Variants in RTN3 observed in about 807,000 individuals in gnomAD.
RTN3 encodes the protein reticulon 3, also known as reticulon-3.
A neutral mutation model predicts 77.8 loss-of-function variants in RTN3; 49 were observed. The ratio of observed to expected loss-of-function variants is 0.63; its 90% CI spans 0.50 to 0.80. RTN3 has a LOEUF of 0.80. Ranked by LOEUF, RTN3 falls within the 30% of genes least tolerant of loss-of-function variation. The pLI is 0.00. For missense variants in RTN3, 1,236 were observed against 1,211.9 expected (o/e 1.02, Z -0.29); for synonymous variants, 464 against 446.9 (o/e 1.04, Z -0.48).
intron 2 of RTN3, among the ~76,000 whole-genome samples, chr11:63,717,087 C>T (rs944984384): frequency 2.0e-5 from 3 of 151,792 alleles, no homozygotes; most frequent in Non-Finnish European, 4.4e-5. Flanking sequence ...AGCTTGAGGC[C>T]AGGAGGTCAA....
intron 1 of RTN3, among the ~76,000 whole-genome samples, chr11:63,694,642 G>A (rs1941843932): frequency 6.6e-6 from 1 of 151,644 alleles, no homozygotes. Flanking sequence ...TATTTTTCTA[G>A]AGACGAGGTT....
chr11:63,749,439 C>T (rs1219692546), intron 3 of RTN3, among the ~76,000 whole-genome samples: 1 of 152,108 alleles, frequency 6.6e-6, no homozygotes, highest in African/African-American at 2.4e-5. Flanking sequence ...TTTGCCCCTG[C>T]CCCAATTTAT....
chr11:63,698,744 C>T, intron 1 of RTN3: 1 of 171,156 alleles, frequency 5.8e-6, no homozygotes, highest in South Asian at 1.7e-4. Flanking sequence ...AGCACCTGCT[C>T]CCGAGCTCCT....
intron 1 of RTN3, among the ~76,000 whole-genome samples, chr11:63,696,013 AGTT>A (rs1941919794): frequency 6.6e-6 from 1 of 151,944 alleles, no homozygotes; most frequent in African/African-American, 2.4e-5. Context: ...TCTACAACCC[AGTT>A]GTTAATGACT....
Position 63,719,361 on chromosome 11 carries a change from A to T in RTN3, c.859A>T (p.Ile287Phe), listed in dbSNP as rs753924652. Residue 287 changes from isoleucine (I) to phenylalanine (F), a missense_variant, in exon 3 of 9, where the codon ATT (isoleucine) becomes TTT (phenylalanine). This residue lies in a region of RTN3 where 1,056 missense variants were observed against 990.4 expected (regional missense o/e 1.07). Coordinates refer to ENST00000377819, the MANE Select transcript of RTN3 (RefSeq NM_001265589.2). Reference sequence around the variant, plus strand: ...CACTGATAAAGAATCATCCGAAGACATTTCAGAGACTAATGACAAGCTTTT... The same window carrying T: ...CACTGATAAAGAATCATCCGAAGACTTTTCAGAGACTAATGACAAGCTTTT... ...VHTDKESSED[I>F]SETNDKLFPL... is the part of the protein sequence containing the mutation. The T allele has an allele frequency of 6.2e-7, 1 of 1,614,096 alleles. No individual in the cohort carries two copies. Among genetic ancestry groups the T allele is most frequent in the Non-Finnish European group, 8.5e-7 (1 of 1,180,048 alleles).
chr11:63,755,282 T>C (rs1467576616), intron 7 of RTN3, among the ~76,000 whole-genome samples: 1 of 151,958 alleles, frequency 6.6e-6, no homozygotes, highest in African/African-American at 2.4e-5. Flanking sequence ...AAAAGATGAG[T>C]GATTTTTTCA....
chr11:63,751,118 C>T (rs919213820), intron 4 of RTN3, among the ~76,000 whole-genome samples: 3 of 152,328 alleles, frequency 2.0e-5, no homozygotes, highest in Non-Finnish European at 4.4e-5. Flanking sequence ...CCACCCGCCT[C>T]GGCCTCCCAA....
intron 1 of RTN3, among the ~76,000 whole-genome samples, chr11:63,691,250 A>G (rs1941642897): frequency 6.7e-6 from 1 of 149,396 alleles, no homozygotes; most frequent in South Asian, 2.1e-4. Context: ...CCTCCCAAGT[A>G]GCTGGGATTA....
At chr11:63,725,171 A>G (rs2012153122) in intron 3 of RTN3, among the ~76,000 whole-genome samples, 1 of 152,156 alleles carries the variant, frequency 6.6e-6, no homozygotes, top group African/African-American at 2.4e-5. Flanking sequence ...GACCTGGTAC[A>G]TCCTTCCAGT....
intron 1 of RTN3, among the ~76,000 whole-genome samples, chr11:63,682,856 C>G (rs1941136918): frequency 6.6e-6 from 1 of 152,034 alleles, no homozygotes. Flanking sequence ...AAAAAACCAC[C>G]ATGGGCAGGT....
chr11:63,699,051 G>T (rs988729292), intron 1 of RTN3, among the ~76,000 whole-genome samples: 3 of 152,156 alleles, frequency 2.0e-5, no homozygotes, highest in Non-Finnish European at 4.4e-5. Flanking sequence ...ACTTTGGGAG[G>T]CCAAGGTGGG....
intron 3 of RTN3, among the ~76,000 whole-genome samples, chr11:63,738,799 A>T (rs893473577): frequency 1.3e-5 from 2 of 152,146 alleles, no homozygotes; most frequent in African/African-American, 4.8e-5. Flanking sequence ...GGCTAGTTAG[A>T]ATCAAAACAA....
intron 3 of RTN3, among the ~76,000 whole-genome samples, chr11:63,736,136 T>G (rs1385090133): frequency 2.0e-5 from 3 of 152,048 alleles, no homozygotes; most frequent in African/African-American, 7.3e-5. Flanking sequence ...GCTGGCTGGT[T>G]GTTGACAGAA....
At position 63,720,607 on chromosome 11, in the gene RTN3, A is replaced by C. The variant is rs2011702797; in HGVS notation, c.2105A>C (p.Glu702Ala). 1.9e-6 allele frequency: 3 copies of C among 1,613,942 alleles called. No homozygotes were observed. Among genetic ancestry groups the C allele is most frequent in the Admixed American group, 1.7e-5 (1 of 59,964 alleles). Residue 702 changes from glutamate (E) to alanine (A), a missense_variant, in exon 3 of 9, where the codon GAA becomes GCA. Around this residue, in one of 3 missense-constraint regions of RTN3, gnomAD observed 1,056 missense variants for 990.4 expected, o/e 1.07. Transcript: ENST00000377819. Reference protein sequence around the residue: ...VLHENESGGSEIKDIGSKYSE... With the variant: ...VLHENESGGSAIKDIGSKYSE... The stretch of plus-strand genomic sequence containing the variant: ...CATGAAAATGAGTCCGGTGGTTCTG[A>C]AATTAAAGACATTGGAAGCAAATAC...
intron 3 of RTN3, among the ~76,000 whole-genome samples, chr11:63,724,959 G>GT (rs1286340016): frequency 2.0e-5 from 3 of 147,004 alleles, no homozygotes; most frequent in Admixed American, 6.8e-5. Context: ...AGTTGTTAAA[G>GT]TTTTGTTTTT....
chr11:63,709,816 G>A (rs1336868414), intron 2 of RTN3, among the ~76,000 whole-genome samples: 1 of 152,102 alleles, frequency 6.6e-6, no homozygotes, highest in Non-Finnish European at 1.5e-5. Flanking sequence ...TGCATAGTAT[G>A]GATATGAAAA....
intron 3 of RTN3, among the ~76,000 whole-genome samples, chr11:63,745,719 G>A (rs899403001): frequency 2.0e-5 from 3 of 152,174 alleles, no homozygotes; most frequent in African/African-American, 7.2e-5. Flanking sequence ...GTTTACACTT[G>A]TTATCTTTGT....
intron 2 of RTN3, among the ~76,000 whole-genome samples, chr11:63,718,457 A>C (rs1460723540): frequency 6.6e-6 from 1 of 152,038 alleles, no homozygotes; most frequent in Non-Finnish European, 1.5e-5. Context: ...TTGTCATGAA[A>C]ATTTTTTATC....
intron 1 of RTN3, among the ~76,000 whole-genome samples, chr11:63,694,082 C>T (rs987073783): frequency 2.0e-5 from 3 of 152,016 alleles, no homozygotes; most frequent in African/African-American, 7.3e-5. Context: ...TACCACTGCA[C>T]TCCATCCTGG....
Sources: allele counts gnomAD v4.1 joint callset (sites outside exome capture counted in the v4.1 genomes callset), GRCh38; gene constraint gnomAD v4.1.1; regional missense constraint gnomAD v4.1.1; transcripts MANE v1.5; gene names NCBI Gene and HGNC (gene_info 2026-07-23, HGNC 2026-07-21).